The following WWOX variants were observed in gnomAD, a reference collection of about 807,000 sequenced individuals.
The protein encoded by WWOX is WW domain-containing oxidoreductase.
In WWOX, 69 loss-of-function variants were observed where a neutral mutation model predicts 46.2. That is an observed-to-expected ratio of 1.49 (90% CI 1.23 to 1.82). The LOEUF is 1.82. Ranked by LOEUF, WWOX falls within the 40% of genes most tolerant of loss-of-function variation. The pLI is 0.00. For synonymous variants in WWOX, 359 were observed against 202.6 expected (o/e 1.77, Z -6.56); for missense variants, 919 against 542.6 (o/e 1.69, Z -6.89).
chr16:78,768,152 C>T (rs1042015332), intron 8 of WWOX, among the ~76,000 whole-genome samples: 9 of 111,946 alleles, frequency 8.0e-5, no homozygotes, highest in East Asian at 2.1e-4. Flanking sequence ...TTTTAGGCTG[C>T]GGGGCGGGGG....
chr16:78,567,274 G>T (rs1040617610), intron 8 of WWOX, among the ~76,000 whole-genome samples: 2 of 152,060 alleles, frequency 1.3e-5, no homozygotes, highest in Non-Finnish European at 2.9e-5. Context: ...GGTTGGGCGC[G>T]GTGGCTCACG....
At chr16:79,047,896 C>G (rs1567513295) in intron 8 of WWOX, among the ~76,000 whole-genome samples, 2 of 145,176 alleles carry the variant, frequency 1.4e-5, no homozygotes, top group East Asian at 1.9e-4. Context: ...TTCACAGACT[C>G]TGCATTTTGA....
chr16:78,408,157 A>T (rs1168466101), intron 6 of WWOX, among the ~76,000 whole-genome samples: 5 of 152,160 alleles, frequency 3.3e-5, no homozygotes, highest in Non-Finnish European at 7.3e-5. Context: ...TACAAGTTAA[A>T]TCCTCGGACC....
chr16:79,167,835 C>G (rs953397469), intron 8 of WWOX, among the ~76,000 whole-genome samples: 2 of 152,182 alleles, frequency 1.3e-5, no homozygotes, highest in African/African-American at 4.8e-5. Flanking sequence ...ACCGTCACCT[C>G]TTTTTAGTTT....
At chr16:78,540,933 G>A (rs2043877043) in intron 8 of WWOX, among the ~76,000 whole-genome samples, 4 of 152,116 alleles carry the variant, frequency 2.6e-5, no homozygotes, top group Admixed American at 2.0e-4. Context: ...TGATCCTCCT[G>A]CCTTGAGCTC....
intron 8 of WWOX, among the ~76,000 whole-genome samples, chr16:78,912,608 A>G (rs2045140986): frequency 6.6e-6 from 1 of 152,034 alleles, no homozygotes; most frequent in Non-Finnish European, 1.5e-5. Context: ...CAGTCAGGGG[A>G]AAACACCTTG....
At chr16:79,197,599 A>T (rs187900812) in intron 8 of WWOX, among the ~76,000 whole-genome samples, 53 of 152,348 alleles carry the variant, frequency 3.5e-4, no homozygotes, top group African/African-American at 9.9e-4. Context: ...CCATTTCATT[A>T]GATTCCTCAC....
intron 5 of WWOX, among the ~76,000 whole-genome samples, chr16:78,247,715 C>T (rs886665192): frequency 3.3e-5 from 5 of 152,154 alleles, no homozygotes; most frequent in Non-Finnish European, 5.9e-5. Flanking sequence ...CCTCACTGTC[C>T]TAGGGATGCT....
chr16:78,111,575 C>G (rs2032493087), intron 3 of WWOX, among the ~76,000 whole-genome samples: 1 of 152,084 alleles, frequency 6.6e-6, no homozygotes. Context: ...AAGGGAGTCT[C>G]CTTTCCTTGG....
chr16:78,759,985 C>T (rs569555167), intron 8 of WWOX, among the ~76,000 whole-genome samples: 1 of 152,264 alleles, frequency 6.6e-6, no homozygotes, highest in South Asian at 2.1e-4. Context: ...CTTACAATGA[C>T]CCTTTTAATT....
At chr16:79,123,226 A>G (rs1285836204) in intron 8 of WWOX, among the ~76,000 whole-genome samples, 1 of 152,148 alleles carries the variant, frequency 6.6e-6, no homozygotes, top group Non-Finnish European at 1.5e-5. Context: ...ATAAAGCATG[A>G]TGGCAATTGC....
rs137892884 is a variant in WWOX at position 78,698,307 on chromosome 16, G to C, written c.1056+265555G>C. Among the ~76,000 whole-genome samples, 593 of 152,330 alleles carry C rather than the reference G, an allele frequency of 3.9e-3. 1 individual carries two copies. The highest frequency in any genetic ancestry group is 0.013 in the African/African-American group (547 of 41,572). On this transcript the variant is annotated intron_variant, in intron 8 of 8. Coordinates refer to ENST00000566780, the MANE Select transcript of WWOX (RefSeq NM_016373.4). ...TTACCACTGACCCCATCAGTGTGCAGACGAAGGGAGATGAGAGATACAGAT... is the reference window on the plus strand; with the variant it reads ...TTACCACTGACCCCATCAGTGTGCACACGAAGGGAGATGAGAGATACAGAT...
At chr16:78,690,631 A>G (rs2047963467) in intron 8 of WWOX, among the ~76,000 whole-genome samples, 1 of 151,750 alleles carries the variant, frequency 6.6e-6, no homozygotes, top group African/African-American at 2.4e-5. Context: ...ACACATGAAT[A>G]TATTCACAGT....
intron 8 of WWOX, among the ~76,000 whole-genome samples, chr16:78,642,183 C>A (rs1229303256): frequency 6.6e-6 from 1 of 152,066 alleles, no homozygotes; most frequent in Admixed American, 6.5e-5. Flanking sequence ...AATCCCTAAT[C>A]CAGAGATAAT....
intron 8 of WWOX, among the ~76,000 whole-genome samples, chr16:78,934,794 G>A (rs936051316): frequency 6.6e-6 from 1 of 152,128 alleles, no homozygotes; most frequent in African/African-American, 2.4e-5. Context: ...CCTATAGAGA[G>A]CAGATGTTAA....
At chr16:78,524,772 A>G (rs560508506) in intron 8 of WWOX, among the ~76,000 whole-genome samples, 2 of 148,838 alleles carry the variant, frequency 1.3e-5, no homozygotes, top group African/African-American at 4.9e-5. Context: ...ATAATATTTA[A>G]TATATAGTAA....
intron 5 of WWOX, among the ~76,000 whole-genome samples, chr16:78,230,741 G>C (rs1450065044): frequency 6.6e-6 from 1 of 152,204 alleles, no homozygotes. Flanking sequence ...TTCACTTTGA[G>C]CAGGGGAGGC....
intron 6 of WWOX, among the ~76,000 whole-genome samples, chr16:78,413,646 T>A (rs1655034930): frequency 6.6e-6 from 1 of 151,670 alleles, no homozygotes; most frequent in Admixed American, 6.6e-5. Flanking sequence ...GCCATCTGGA[T>A]GCATACGAGC....
At chr16:79,105,283 C>G (rs879026404) in intron 8 of WWOX, among the ~76,000 whole-genome samples, 1 of 152,082 alleles carries the variant, frequency 6.6e-6, no homozygotes, top group Non-Finnish European at 1.5e-5. Flanking sequence ...AAAACAATTT[C>G]TTTTAGATGT....
Sources: allele counts gnomAD v4.1 joint callset (sites outside exome capture counted in the v4.1 genomes callset), GRCh38; gene constraint gnomAD v4.1.1; transcripts MANE v1.5; gene names NCBI Gene and HGNC (gene_info 2026-07-23, HGNC 2026-07-21).